The following LRRC20 variants were observed in gnomAD, a reference collection of about 807,000 sequenced individuals.
LRRC20 encodes the protein leucine-rich repeat-containing protein 20.
A neutral mutation model predicts 14.4 loss-of-function variants in LRRC20; 11 were observed. That is an observed-to-expected ratio of 0.77 (90% CI 0.48 to 1.27). The LOEUF is 1.27. LRRC20 is among the 50% of genes most tolerant of loss of function. The pLI is 0.00. For missense variants in LRRC20, 219 were observed against 251.2 expected, an observed-to-expected ratio of 0.87 and a Z score of 0.87; for synonymous variants, 121 against 107.3, an observed-to-expected ratio of 1.13 and a Z score of -0.79.
intron 2 of LRRC20, among the ~76,000 whole-genome samples, chr10:70,368,922 C>G: frequency 6.6e-6 from 1 of 152,206 alleles, no homozygotes; most frequent in East Asian, 1.9e-4. Context: ...CGTGCCCGGC[C>G]TGAATCTGCA....
At chr10:70,315,944 T>C (rs1841833062) in intron 4 of LRRC20, among the ~76,000 whole-genome samples, 1 of 152,092 alleles carries the variant, frequency 6.6e-6, no homozygotes, top group African/African-American at 2.4e-5. Flanking sequence ...TATGGTTACA[T>C]ACCCATGTCC....
At chr10:70,359,276 G>A (rs1589113580) in intron 2 of LRRC20, among the ~76,000 whole-genome samples, 1 of 152,094 alleles carries the variant, frequency 6.6e-6, no homozygotes, top group East Asian at 1.9e-4. Context: ...TCCATGCCAG[G>A]CCAGGCACAG....
chr10:70,333,106 G>A (rs1304864751), intron 3 of LRRC20, among the ~76,000 whole-genome samples: 2 of 152,204 alleles, frequency 1.3e-5, no homozygotes, highest in African/African-American at 4.8e-5. Context: ...AAGGAGAGCT[G>A]CACTTAGAGC....
At chr10:70,371,325 G>T (rs1189424606) in intron 2 of LRRC20, among the ~76,000 whole-genome samples, 1 of 151,634 alleles carries the variant, frequency 6.6e-6, no homozygotes, top group Non-Finnish European at 1.5e-5. Context: ...TTTATTTTTG[G>T]TAGAGACAGG....
intron 4 of LRRC20, among the ~76,000 whole-genome samples, chr10:70,312,542 G>A (rs1841709243): frequency 6.6e-6 from 1 of 152,212 alleles, no homozygotes. Flanking sequence ...AGAGCCAGGA[G>A]CACACTGCAC....
rs756692916 is a variant in LRRC20 at position 70,340,639 on chromosome 10, G to C, written c.146C>G (p.Ser49Cys). The C allele has an allele frequency of 8.1e-6, 13 of 1,614,202 alleles. No individual in the cohort carries two copies. Among genetic ancestry groups the C allele is most frequent in the Middle Eastern group, 1.6e-4 (1 of 6,062 alleles). Residue 49 changes from serine (S) to cysteine (C), a missense_variant, in exon 3 of 5, where the codon TCT becomes TGT. Physicochemically the swap from Ser to Cys is moderately radical, Grantham distance 112. Transcript: ENST00000446961. ...IGIYKVLRNV[S>C]GQIHLITLAN... ...CAGGGTGATGAGGTGGATCTGGCCA[G>C]AGACATTCCGCAGGACCTTGTAGAT... is the stretch of plus-strand genomic sequence containing the variant.
intron 2 of LRRC20, among the ~76,000 whole-genome samples, chr10:70,362,658 C>A (rs1201756941): frequency 1.3e-5 from 2 of 152,226 alleles, no homozygotes; most frequent in Non-Finnish European, 2.9e-5. Flanking sequence ...CCTGTCCTGA[C>A]AGAGCTGACT....
intron 1 of LRRC20, chr10:70,376,865 G>A: frequency 3.1e-6 from 1 of 322,712 alleles, no homozygotes; most frequent in Non-Finnish European, 5.9e-6. Context: ...TGGGGACCAG[G>A]TCTGAGCCAG....
At chr10:70,346,666 A>G (rs1220987216) in intron 2 of LRRC20, among the ~76,000 whole-genome samples, 1 of 152,220 alleles carries the variant, frequency 6.6e-6, no homozygotes, top group African/African-American at 2.4e-5. Context: ...TAGGTATAAA[A>G]GGATACATGC....
chr10:70,318,857 G>C (rs915453909), intron 4 of LRRC20, among the ~76,000 whole-genome samples: 1 of 151,822 alleles, frequency 6.6e-6, no homozygotes. Context: ...GCCCAGGCTG[G>C]AGTACAGTGG....
intron 4 of LRRC20, among the ~76,000 whole-genome samples, chr10:70,321,168 T>G (rs1589955616): frequency 6.6e-6 from 1 of 152,314 alleles, no homozygotes; most frequent in African/African-American, 2.4e-5. Flanking sequence ...TCCACCACCC[T>G]CTAAGCATTC....
Position 70,301,308 on chromosome 10 carries a change from G to T in LRRC20, c.*46C>A. ...GGCCTCCCTCCCTTCCAGGGTTCCAGGCCTGTGGCCTCTGCCCCTTGCTGG... is the reference window on the plus strand; with the variant it reads ...GGCCTCCCTCCCTTCCAGGGTTCCATGCCTGTGGCCTCTGCCCCTTGCTGG... On this transcript the variant is annotated 3_prime_UTR_variant, in exon 5 of 5. Coordinates refer to ENST00000446961, the MANE Select transcript of LRRC20 (RefSeq NM_001278212.2). The T allele has an allele frequency of 6.3e-7, 1 of 1,584,720 alleles. No individual in the cohort carries two copies. Among genetic ancestry groups the T allele is most frequent in the Non-Finnish European group, 8.6e-7 (1 of 1,165,648 alleles).
chr10:70,344,802 A>G (rs1470697240), intron 2 of LRRC20, among the ~76,000 whole-genome samples: 1 of 152,144 alleles, frequency 6.6e-6, no homozygotes, highest in Non-Finnish European at 1.5e-5. Context: ...CCTGAGCCCA[A>G]GTGATCTGCC....
chr10:70,340,542 C>A lies in LRRC20; in HGVS notation c.232+11G>T. 2.5e-6 allele frequency: 4 copies of A among 1,613,940 alleles called. No individual in the cohort carries two copies. Among genetic ancestry groups the A allele is most frequent in the Non-Finnish European group, 3.4e-6 (4 of 1,179,946 alleles). On this transcript the variant is annotated intron_variant, in intron 3 of 4. Transcript: ENST00000446961. ...GCCATGCCCTCCTGGCTGGAGCTGA[C>A]CAGGGCCTACCTCGGAGCTGACTGA... is the stretch of plus-strand genomic sequence containing the variant.
chr10:70,363,771 C>A (rs1843849087), intron 2 of LRRC20, among the ~76,000 whole-genome samples: 1 of 152,178 alleles, frequency 6.6e-6, no homozygotes, highest in Non-Finnish European at 1.5e-5. Context: ...TCTTTCTTAG[C>A]CTCCCAGGAG....
intron 4 of LRRC20, among the ~76,000 whole-genome samples, chr10:70,304,501 T>C (rs1484400073): frequency 3.1e-5 from 4 of 129,844 alleles, no homozygotes; most frequent in East Asian, 2.1e-4. Flanking sequence ...TATATATATA[T>C]ATATATTTTA....
At chr10:70,340,960 TA>T (rs1237230626) in intron 2 of LRRC20, among the ~76,000 whole-genome samples, 1 of 152,212 alleles carries the variant, frequency 6.6e-6, no homozygotes, top group African/African-American at 2.4e-5. Flanking sequence ...CACAGCCTAC[TA>T]GCCAGAATCG....
At chr10:70,308,326 C>T (rs1460596317) in intron 4 of LRRC20, among the ~76,000 whole-genome samples, 1 of 151,582 alleles carries the variant, frequency 6.6e-6, no homozygotes, top group African/African-American at 2.4e-5. Flanking sequence ...GTCACCCAGC[C>T]AGTGGGTAGC....
chr10:70,320,914 C>T lies in LRRC20; in HGVS notation c.400+2949G>A, dbSNP rs114649414. 1.4e-3 allele frequency among the ~76,000 whole-genome samples: 220 copies of T among 152,270 alleles called. 2 individuals carry two copies. The highest frequency in any genetic ancestry group is 4.9e-3 in the African/African-American group (203 of 41,556). On this transcript the variant is annotated intron_variant, in intron 4 of 4. Coordinates refer to ENST00000446961, the MANE Select transcript of LRRC20 (RefSeq NM_001278212.2). Reference sequence around the variant, plus strand: ...TGGCTCAGAGGGTGGAGGAAGATCACGTGGCAGCTCTATTCGGAAACAAGA... The same window carrying T: ...TGGCTCAGAGGGTGGAGGAAGATCATGTGGCAGCTCTATTCGGAAACAAGA...
Sources: gnomAD v4.1 joint callset for allele counts (sites outside exome capture counted in the v4.1 genomes callset) on GRCh38, gnomAD v4.1.1 for gene constraint, MANE v1.5 for transcripts, NCBI Gene and HGNC (gene_info 2026-07-23, HGNC 2026-07-21) for gene names.